RANBP2: variants seen among roughly 807,000 people sequenced by gnomAD.
RANBP2 encodes the protein E3 SUMO-protein ligase RanBP2.
A neutral mutation model predicts 303.6 loss-of-function variants in RANBP2; 57 were observed. The observed-to-expected ratio is 0.19, with a 90% CI of 0.15 to 0.23. RANBP2 has a LOEUF of 0.23. Among genes scored for constraint, RANBP2 ranks in the 10% least tolerant of loss-of-function variants. The pLI is 1.00. For missense variants in RANBP2, 3,138 were observed against 3,780.8 expected (o/e 0.83, Z 4.46); for synonymous variants, 1,167 against 1,301.5 (o/e 0.90, Z 2.23).
the RANBP2 span, among the ~76,000 whole-genome samples, chr2:109,153,705 G>A: frequency 6.6e-6 from 1 of 152,202 alleles, no homozygotes; most frequent in Non-Finnish European, 1.5e-5. Flanking sequence ...AGTCTCCAGG[G>A]TGTGTACTTG....
the RANBP2 span, among the ~76,000 whole-genome samples, chr2:109,116,433 G>A: frequency 6.6e-6 from 1 of 152,158 alleles, no homozygotes; most frequent in Non-Finnish European, 1.5e-5. Flanking sequence ...CGGCTCCTGA[G>A]GCTTCTGCAT....
the RANBP2 span, chr2:109,399,024 C>T: frequency 7.1e-7 from 1 of 1,402,128 alleles, no homozygotes; most frequent in East Asian, 2.5e-5. Context: ...GTCCCCCGTT[C>T]CTCAACTAGC....
At chr2:108,791,450 A>G in the RANBP2 span, 2 of 520,398 alleles carry the variant, frequency 3.8e-6, no homozygotes, top group South Asian at 1.7e-5. Context: ...GTCATTTTAA[A>G]TTAAGTCTAT....
At chr2:109,160,567 A>G in the RANBP2 span, among the ~76,000 whole-genome samples, 2 of 152,194 alleles carry the variant, frequency 1.3e-5, no homozygotes, top group Non-Finnish European at 2.9e-5. Context: ...ATCTGATTCT[A>G]GCAGTAACTC....
the RANBP2 span, among the ~76,000 whole-genome samples, chr2:108,868,455 C>T: frequency 6.6e-6 from 1 of 152,130 alleles, no homozygotes; most frequent in Non-Finnish European, 1.5e-5. Context: ...CAAGAAATAA[C>T]TTAGACCCTT....
chr2:109,532,678 G>A, the RANBP2 span, among the ~76,000 whole-genome samples: 4 of 152,180 alleles, frequency 2.6e-5, no homozygotes, highest in South Asian at 4.1e-4. Context: ...AGAGAGAGCC[G>A]ACCTGGCAGG....
the RANBP2 span, among the ~76,000 whole-genome samples, chr2:109,650,648 A>T: frequency 6.6e-6 from 1 of 152,156 alleles, no homozygotes; most frequent in Admixed American, 6.5e-5. Flanking sequence ...TCATTGAATC[A>T]TGGGCGGAGC....
chr2:108,832,824 A>G, the RANBP2 span, among the ~76,000 whole-genome samples: 2 of 152,160 alleles, frequency 1.3e-5, no homozygotes, highest in South Asian at 4.1e-4. Flanking sequence ...ATTACAGGGT[A>G]TGGGTGAGGT....
chr2:109,645,733 T>G, the RANBP2 span, among the ~76,000 whole-genome samples: 1 of 152,216 alleles, frequency 6.6e-6, no homozygotes, highest in Non-Finnish European at 1.5e-5. Flanking sequence ...CAGTCAAAAA[T>G]AGTTATTACT....
chr2:109,267,088 T>C, the RANBP2 span, among the ~76,000 whole-genome samples: 1 of 152,188 alleles, frequency 6.6e-6, no homozygotes, highest in Admixed American at 6.5e-5. Context: ...GCACCCTGAA[T>C]GCCTCTGGTC....
the RANBP2 span, among the ~76,000 whole-genome samples, chr2:109,078,138 G>GTGTATATATAGCA: frequency 1.8e-4 from 10 of 55,664 alleles, no homozygotes; most frequent in Admixed American, 2.4e-3. Flanking sequence ...TATATATAGC[G>GTGTATATATAGCA]TGTATATATA....
the RANBP2 span, among the ~76,000 whole-genome samples, chr2:108,949,397 G>A: frequency 4.6e-5 from 7 of 152,214 alleles, no homozygotes; most frequent in Non-Finnish European, 1.0e-4. Flanking sequence ...TCAGTCAGTG[G>A]GAAGATACGG....
the RANBP2 span, among the ~76,000 whole-genome samples, chr2:109,351,604 T>C: frequency 6.6e-6 from 1 of 152,248 alleles, no homozygotes; most frequent in South Asian, 2.1e-4. Context: ...GGGCCCACGC[T>C]GCTTTTCATG....
the RANBP2 span, among the ~76,000 whole-genome samples, chr2:109,506,719 G>T: frequency 2.0e-5 from 3 of 152,234 alleles, no homozygotes; most frequent in Non-Finnish European, 4.4e-5. Context: ...TAAATCAGAG[G>T]CAGAGCCAGG....
chr2:108,997,670 T>A, the RANBP2 span, among the ~76,000 whole-genome samples: 2 of 151,850 alleles, frequency 1.3e-5, no homozygotes, highest in African/African-American at 4.8e-5. Context: ...GGTGGGTGGA[T>A]AACGAGGTCA....
chr2:109,002,879 G>T, the RANBP2 span, among the ~76,000 whole-genome samples: 2 of 152,102 alleles, frequency 1.3e-5, no homozygotes, highest in Non-Finnish European at 2.9e-5. Context: ...TGAAGTTCAT[G>T]CCTCATAATA....
At chr2:108,869,480 G>A in the RANBP2 span, among the ~76,000 whole-genome samples, 1 of 152,068 alleles carries the variant, frequency 6.6e-6, no homozygotes, top group African/African-American at 2.4e-5. Context: ...CAGGGAATGC[G>A]GCATGGTTTG....
At chr2:109,711,932 C>G in the RANBP2 span, among the ~76,000 whole-genome samples, 1 of 152,208 alleles carries the variant, frequency 6.6e-6, no homozygotes, top group Non-Finnish European at 1.5e-5. Context: ...TGCCCTCCCA[C>G]TCACCACTAG....
chr2:109,006,594 G>T, the RANBP2 span, among the ~76,000 whole-genome samples: 6 of 152,180 alleles, frequency 3.9e-5, no homozygotes, highest in Admixed American at 1.3e-4. Flanking sequence ...CCAAGGGAGT[G>T]ACCTCAGTGG....
Sources: allele counts gnomAD v4.1 joint callset (sites outside exome capture counted in the v4.1 genomes callset), GRCh38; gene constraint gnomAD v4.1.1; transcripts MANE v1.5; gene names NCBI Gene and HGNC (gene_info 2026-07-23, HGNC 2026-07-21).